The following EYA2 variants were observed in gnomAD, a reference collection of about 807,000 sequenced individuals.
EYA2 encodes the protein EYA transcriptional coactivator and phosphatase 2, also known as protein phosphatase EYA2.
Under a neutral mutation model 69.2 loss-of-function variants are expected in EYA2, and 31 were observed. That is an observed-to-expected ratio of 0.45 (90% CI 0.34 to 0.60). The LOEUF (loss-of-function observed/expected upper bound fraction) is 0.60, where lower values mean the gene tolerates loss of function less well. Ranked by LOEUF, EYA2 falls within the 20% of genes least tolerant of loss-of-function variation. The pLI is 0.02. For missense variants in EYA2, 622 were observed against 701.2 expected (o/e 0.89, Z 1.28); for synonymous variants, 257 against 279.4 (o/e 0.92, Z 0.80).
chr20:47,083,179 G>A (rs1416182592), intron 7 of EYA2, among the ~76,000 whole-genome samples: 1 of 152,200 alleles, frequency 6.6e-6, no homozygotes, highest in Non-Finnish European at 1.5e-5. Flanking sequence ...GACAGAGTAA[G>A]ACCCTGTCTC....
chr20:47,052,267 G>T (rs111448597), intron 5 of EYA2, among the ~76,000 whole-genome samples: 1 of 152,196 alleles, frequency 6.6e-6, no homozygotes, highest in Non-Finnish European at 1.5e-5. Flanking sequence ...GCTGGAGTTG[G>T]GGGGAGCATG....
chr20:47,152,625 A>G (rs188726971), intron 10 of EYA2, among the ~76,000 whole-genome samples: 112 of 151,846 alleles, frequency 7.4e-4, no homozygotes, highest in African/African-American at 2.4e-3. Flanking sequence ...AGCCTGGCCA[A>G]CATGGTGAAA....
chr20:47,150,012 G>C (rs1466071997), intron 10 of EYA2, among the ~76,000 whole-genome samples: 1 of 152,228 alleles, frequency 6.6e-6, no homozygotes, highest in Non-Finnish European at 1.5e-5. Flanking sequence ...GTGTGCCTGA[G>C]TGAGGTGCTG....
At chr20:46,919,448 C>G (rs1985082587) in intron 1 of EYA2, among the ~76,000 whole-genome samples, 1 of 152,262 alleles carries the variant, frequency 6.6e-6, no homozygotes, top group South Asian at 2.1e-4. Flanking sequence ...GCTGCTTCGC[C>G]TTGCACTTTT....
In EYA2 at chr20:46,967,376, G is replaced by A. The variant is rs1304719246; in HGVS notation, c.-10-22625G>A. Among the ~76,000 whole-genome samples, 3 of 152,354 alleles carry A rather than the reference G, an allele frequency of 2.0e-5. No individual in the cohort carries two copies. The East Asian group carries it at 5.8e-4, about 29-fold the overall frequency. Reference sequence around the variant, plus strand: ...CTACTGATTAGAGTCTAAAGAGAGAGATAAGCATTATACAATTAAATACTC... The same window carrying A: ...CTACTGATTAGAGTCTAAAGAGAGAAATAAGCATTATACAATTAAATACTC... On this transcript the variant is annotated intron_variant, in intron 1 of 15. Coordinates refer to ENST00000327619, the MANE Select transcript of EYA2 (RefSeq NM_005244.5).
chr20:47,073,981 C>T (rs1256539566), intron 6 of EYA2, among the ~76,000 whole-genome samples, 177 bp from the exon 7 acceptor site: 1 of 152,116 alleles, frequency 6.6e-6, no homozygotes, highest in Admixed American at 6.5e-5. Context: ...TTCCAAACAG[C>T]CTCCTTGCAC....
chr20:47,052,679 G>A (rs771076967), intron 5 of EYA2, among the ~76,000 whole-genome samples: 53 of 152,100 alleles, frequency 3.5e-4, no homozygotes, highest in Non-Finnish European at 5.9e-5. Context: ...CTGGAGTGCA[G>A]TGGTGTGATC....
At position 47,156,067 on chromosome 20, in the gene EYA2, CACACACACACAT is replaced by C. The variant is rs1172306559; in HGVS notation, c.978+12921_978+12932del. Among the ~76,000 whole-genome samples the C allele has an allele frequency of 1.3e-4, 14 of 104,452 alleles. 1 individual carries two copies. Among genetic ancestry groups the C allele is most frequent in the African/African-American group, 6.9e-4 (14 of 20,248 alleles). The allele number at this position is 104,452 out of a possible 152,430, so 68.5% of individuals were successfully genotyped here. ...ACACACACACATATATATACATACA[CACACACACACAT>C]ATATATACATACACACACACACACA... is the stretch of plus-strand genomic sequence containing the variant. On this transcript the variant is annotated intron_variant, in intron 10 of 15. Transcript: ENST00000327619.
At chr20:47,020,571 A>G (rs1243868773) in intron 5 of EYA2, among the ~76,000 whole-genome samples, 1 of 152,142 alleles carries the variant, frequency 6.6e-6, no homozygotes, top group Admixed American at 6.5e-5. Context: ...CTATTCACAG[A>G]AATAACCACA....
intron 9 of EYA2, among the ~76,000 whole-genome samples, chr20:47,133,769 G>A (rs79507265): frequency 2.6e-5 from 4 of 152,176 alleles, no homozygotes; most frequent in African/African-American, 2.4e-5. Context: ...CAATGTGTGC[G>A]AACACATGCC....
chr20:47,172,776 C>A lies in EYA2; in HGVS notation c.1107C>A (p.Gly369=), dbSNP rs201557595. Residue 369 remains glycine, a synonymous_variant, in exon 12 of 16, where the codon GGC becomes GGA. Coordinates refer to ENST00000327619, the MANE Select transcript of EYA2 (RefSeq NM_005244.5). ...GAGCCAACCTGTGCCTGGGCTCTGG[C>A]GTGCACGGCGGCGTGGACTGGATGA... The part of the protein sequence containing the change: ...APGANLCLGS[G]VHGGVDWMRK... 10 of 1,614,038 alleles carry A rather than the reference C, an allele frequency of 6.2e-6. No homozygotes were observed. Among genetic ancestry groups the A allele is most frequent in the African/African-American group, 1.3e-5 (1 of 74,926 alleles).
chr20:46,908,040 C>T (rs1383498819), intron 1 of EYA2, among the ~76,000 whole-genome samples: 1 of 152,212 alleles, frequency 6.6e-6, no homozygotes, highest in Non-Finnish European at 1.5e-5. Flanking sequence ...GTTTTCCATT[C>T]ACCATTCTCC....
At chr20:47,173,866 A>C (rs1172453910) in intron 12 of EYA2, among the ~76,000 whole-genome samples, 2 of 152,204 alleles carry the variant, frequency 1.3e-5, no homozygotes, top group African/African-American at 4.8e-5. Context: ...GTATCACTGC[A>C]GCCTGGACAT....
At chr20:47,177,527 T>G (rs1383751829) in intron 12 of EYA2, among the ~76,000 whole-genome samples, 1 of 152,122 alleles carries the variant, frequency 6.6e-6, no homozygotes, top group African/African-American at 2.4e-5. Flanking sequence ...AAACAGCAAA[T>G]GAAAAGTCTC....
intron 9 of EYA2, among the ~76,000 whole-genome samples, chr20:47,107,029 A>C (rs1332555249): frequency 6.6e-6 from 1 of 152,158 alleles, no homozygotes; most frequent in Admixed American, 6.5e-5. Context: ...GAATCAACCC[A>C]CCAAGATACC....
rs1467047828 is a variant in EYA2 at position 47,143,127 on chromosome 20, T to C, written c.957T>C (p.His319=). The C allele has an allele frequency of 4.3e-6, 7 of 1,613,384 alleles. No individual in the cohort carries two copies. Among genetic ancestry groups the C allele is most frequent in the Non-Finnish European group, 5.9e-6 (7 of 1,179,744 alleles). The change falls in exon 10 of 16, where the codon CAT becomes CAC. Residue 319 remains histidine, a synonymous_variant. Coordinates refer to ENST00000327619, the MANE Select transcript of EYA2 (RefSeq NM_005244.5). ...TGATCTTCAACCTTGCAGATACACA[T>C]CTGTTCTTCAATGACCTGGAGGTTT... ...EEMIFNLADT[H]LFFNDLEDCD...
intron 3 of EYA2, 151 bp downstream of exon 3, chr20:47,001,624 C>T: frequency 3.8e-6 from 3 of 790,656 alleles, no homozygotes; most frequent in Admixed American, 4.5e-5. Context: ...GAGCAAGTCA[C>T]TCCACCTCCC....
intron 1 of EYA2, among the ~76,000 whole-genome samples, chr20:46,977,679 G>A (rs1439698636): frequency 6.6e-6 from 1 of 152,222 alleles, no homozygotes; most frequent in Non-Finnish European, 1.5e-5. Context: ...TTTAGTGTCA[G>A]CTGTGTTCCT....
chr20:47,023,644 T>TTTTG (rs1568730356), intron 5 of EYA2, among the ~76,000 whole-genome samples: 1 of 141,488 alleles, frequency 7.1e-6, no homozygotes, highest in Admixed American at 7.1e-5. Flanking sequence ...TTTTTTTTTT[T>TTTTG]TTTTTTTTTT....
Sources: gnomAD v4.1 joint callset for allele counts (sites outside exome capture counted in the v4.1 genomes callset) on GRCh38, gnomAD v4.1.1 for gene constraint, MANE v1.5 for transcripts, NCBI Gene and HGNC (gene_info 2026-07-23, HGNC 2026-07-21) for gene names.